The following COBL variants were observed in gnomAD, a reference collection of about 807,000 sequenced individuals.
COBL encodes the protein protein cordon-bleu.
In COBL, 51 loss-of-function variants were observed where a neutral mutation model predicts 98.8. That is an observed-to-expected ratio of 0.52 (90% CI 0.41 to 0.65). The LOEUF (loss-of-function observed/expected upper bound fraction) is 0.65, where lower values mean the gene tolerates loss of function less well. Among genes scored for constraint, COBL ranks in the 30% least tolerant of loss-of-function variants. The pLI is 0.00. For missense variants in COBL, 1,617 were observed against 1,617.5 expected, an observed-to-expected ratio of 1.00 and a Z score of 0.01; for synonymous variants, 634 against 651.7, an observed-to-expected ratio of 0.97 and a Z score of 0.41.
At chr7:51,284,504 T>TAA (rs79324068) in intron 1 of COBL, among the ~76,000 whole-genome samples, 2 of 137,346 alleles carry the variant, frequency 1.5e-5, no homozygotes, top group African/African-American at 2.7e-5. Context: ...AAATTAGAAA[T>TAA]AAAAAAAAAA....
chr7:51,074,945 T>C (rs952120177), intron 7 of COBL, among the ~76,000 whole-genome samples: 3 of 152,350 alleles, frequency 2.0e-5, no homozygotes, highest in South Asian at 4.1e-4. Flanking sequence ...TTGATTCTCA[T>C]AGAATGCTTT....
chr7:51,037,378 G>A (rs939439555), intron 8 of COBL, among the ~76,000 whole-genome samples: 4 of 152,208 alleles, frequency 2.6e-5, no homozygotes, highest in African/African-American at 7.2e-5. Flanking sequence ...TGAAGTCACT[G>A]GGCACACCAC....
At chr7:51,263,815 A>G (rs947911993) in intron 1 of COBL, among the ~76,000 whole-genome samples, 7 of 152,190 alleles carry the variant, frequency 4.6e-5, no homozygotes, top group African/African-American at 1.7e-4. Flanking sequence ...CTTTCTTGGC[A>G]ACTACTAAAT....
chr7:51,043,499 G>C lies in COBL; in HGVS notation c.1290C>G (p.Asp430Glu), dbSNP rs145201501. The change falls in exon 8 of 13, where the codon GAC becomes GAG. Residue 430 changes from aspartate to glutamate, a missense_variant. By Grantham distance (45) the Asp-to-Glu change is conservative (BLOSUM62 2). This residue lies in a region of COBL where 1,304 missense variants were observed against 1,282.0 expected (regional missense o/e 1.02). Transcript: ENST00000265136. ...AGTCTTCCTGGTCTGTGGCCCACTTGTCTTTGTATTTCATGCTGTCCTGCT... is the reference window on the plus strand; with the variant it reads ...AGTCTTCCTGGTCTGTGGCCCACTTCTCTTTGTATTTCATGCTGTCCTGCT... Reference protein sequence around the residue: ...DSQQDSMKYKDKWATDQEDCS... With the variant: ...DSQQDSMKYKEKWATDQEDCS... 1 of 1,614,084 alleles carries C rather than the reference G, an allele frequency of 6.2e-7. No homozygotes were observed. The highest frequency in any genetic ancestry group is 8.5e-7 in the Non-Finnish European group (1 of 1,180,048).
intron 6 of COBL, among the ~76,000 whole-genome samples, chr7:51,111,424 A>G (rs56978387): frequency 6.6e-6 from 1 of 152,160 alleles, no homozygotes; most frequent in Non-Finnish European, 1.5e-5. Context: ...CATTATTGGC[A>G]TTGGAAAGAA....
At chr7:51,309,931 G>A (rs1000297212) in intron 1 of COBL, among the ~76,000 whole-genome samples, 1 of 152,184 alleles carries the variant, frequency 6.6e-6, no homozygotes, top group Non-Finnish European at 1.5e-5. Context: ...CCTCCTGGGG[G>A]AGCCCCAGCT....
chr7:51,292,540 G>A (rs1458770855), intron 1 of COBL, among the ~76,000 whole-genome samples: 2 of 152,204 alleles, frequency 1.3e-5, no homozygotes, highest in African/African-American at 4.8e-5. Context: ...TATTAGAAAG[G>A]GACACATTCT....
rs562193710 is a variant in COBL at position 51,026,539 on chromosome 7, C to G, written c.3504+7G>C. 27 of 1,613,784 alleles carry G rather than the reference C, an allele frequency of 1.7e-5. No homozygotes were observed. The highest frequency in any genetic ancestry group is 2.3e-5 in the Non-Finnish European group (27 of 1,179,926). ...CCTGGCGCCATGGAAGGCCCTTCAC[C>G]TCTTACCTTCCTCAGGCTGCAGGTG... On this transcript the variant is annotated splice_region_variant and intron_variant, in intron 11 of 12. Transcript: ENST00000265136.
At chr7:51,294,088 C>T (rs1801165829) in intron 1 of COBL, among the ~76,000 whole-genome samples, 1 of 151,970 alleles carries the variant, frequency 6.6e-6, no homozygotes, top group Admixed American at 6.6e-5. Context: ...GTCAGGAATT[C>T]GAGACCAGCC....
chr7:51,065,324 T>C (rs1791805934), intron 7 of COBL: 1 of 703,394 alleles, frequency 1.4e-6, no homozygotes, highest in African/African-American at 1.7e-5. Flanking sequence ...GAACACTTGA[T>C]TTCAGGATTG....
chr7:51,059,487 T>G (rs1017431404), intron 7 of COBL, among the ~76,000 whole-genome samples: 18 of 152,154 alleles, frequency 1.2e-4, no homozygotes, highest in Admixed American at 4.6e-4. Flanking sequence ...AATGTGATTA[T>G]GTGGGGGCTG....
At chr7:51,228,809 C>A (rs1202686151) in intron 1 of COBL, among the ~76,000 whole-genome samples, 1 of 152,084 alleles carries the variant, frequency 6.6e-6, no homozygotes, top group African/African-American at 2.4e-5. Flanking sequence ...TAACTATCGG[C>A]AAATACTCCA....
chr7:51,190,092 G>A (rs17134182), intron 4 of COBL, among the ~76,000 whole-genome samples: 11,648 of 152,276 alleles, frequency 0.076, 522 homozygotes, highest in South Asian at 0.21. Flanking sequence ...TGGATCTCAC[G>A]CACTGTAATT....
intron 5 of COBL, among the ~76,000 whole-genome samples, chr7:51,153,115 T>G (rs1785733310): frequency 6.6e-6 from 1 of 152,212 alleles, no homozygotes. Context: ...GGGTCCCAGC[T>G]GCCATGGGGG....
In COBL at chr7:51,028,619, C is replaced by T. The variant is rs376448766; in HGVS notation, c.2477G>A (p.Arg826Gln). ...PQQKSAHHEG[R>Q]NPLGEGRNQP... ...GTTTCTCCCCTCCCCTAGGGGGTTC[C>T]GGCCCTCATGGTGGGCAGACTTCTG... The change falls in exon 10 of 13, where the codon CGG (arginine) becomes CAG (glutamine). Residue 826 changes from arginine to glutamine, a missense_variant. Arg to Gln is a conservative substitution (Grantham distance 43, BLOSUM62 1). Transcript: ENST00000265136. 68 of 1,613,578 alleles carry T rather than the reference C, an allele frequency of 4.2e-5. No individual in the cohort carries two copies. Among genetic ancestry groups the T allele is most frequent in the African/African-American group, 5.3e-5 (4 of 74,918 alleles).
intron 1 of COBL, among the ~76,000 whole-genome samples, chr7:51,281,901 A>T (rs1220117588): frequency 1.3e-5 from 2 of 152,172 alleles, no homozygotes; most frequent in African/African-American, 2.4e-5. Context: ...GTTCTTTAAA[A>T]TGTAGATGTA....
At chr7:51,156,923 C>A (rs898295250) in intron 5 of COBL, among the ~76,000 whole-genome samples, 1 of 152,218 alleles carries the variant, frequency 6.6e-6, no homozygotes, top group Non-Finnish European at 1.5e-5. Flanking sequence ...GCTGCATCCG[C>A]AGCTTAGCTG....
At chr7:51,082,920 AT>A in intron 7 of COBL, 1 of 782,870 alleles carries the variant, frequency 1.3e-6, no homozygotes. Context: ...TGCATTCAGC[AT>A]TGGGAAACAA....
intron 7 of COBL, among the ~76,000 whole-genome samples, chr7:51,069,082 C>T (rs1475684405): frequency 1.3e-5 from 2 of 152,168 alleles, no homozygotes; most frequent in African/African-American, 4.8e-5. Flanking sequence ...AGCCAGCAGA[C>T]ATGAAAGGTA....
Sources: gnomAD v4.1 joint callset for allele counts (sites outside exome capture counted in the v4.1 genomes callset) on GRCh38, gnomAD v4.1.1 for gene constraint, gnomAD v4.1.1 regional missense constraint, MANE v1.5 for transcripts, NCBI Gene and HGNC (gene_info 2026-07-23, HGNC 2026-07-21) for gene names.